Variants in SLC9A9 observed in about 807,000 individuals in gnomAD.
SLC9A9 encodes solute carrier family 9 member A9.
A neutral mutation model predicts 77.8 loss-of-function variants in SLC9A9; 62 were observed. That is an observed-to-expected ratio of 0.80 (90% confidence interval 0.65 to 0.98). SLC9A9 has a LOEUF of 0.98. Ranked by LOEUF, SLC9A9 falls within the 50% of genes least tolerant of loss-of-function variation. The pLI is 0.00. For synonymous variants in SLC9A9, 320 were observed against 283.5 expected (o/e 1.13, Z -1.29); for missense variants, 775 against 774.9 (o/e 1.00, Z 0.00).
intron 12 of SLC9A9, among the ~76,000 whole-genome samples, chr3:143,463,294 A>G (rs1334997435): frequency 6.6e-6 from 1 of 152,194 alleles, no homozygotes; most frequent in Non-Finnish European, 1.5e-5. Context: ...TATGGGCTCC[A>G]TTCTCATGAG....
chr3:143,819,047 A>C (rs900976643), intron 2 of SLC9A9, among the ~76,000 whole-genome samples: 2 of 152,138 alleles, frequency 1.3e-5, no homozygotes, highest in African/African-American at 4.8e-5. Context: ...GCACCGTTGC[A>C]CTCCAGCCTG....
intron 6 of SLC9A9, among the ~76,000 whole-genome samples, chr3:143,582,379 C>T (rs142252451): frequency 7.9e-5 from 12 of 152,278 alleles, no homozygotes; most frequent in Admixed American, 2.0e-4. Flanking sequence ...TTAAGTCGTT[C>T]CTTGAGTACT....
At chr3:143,725,314 G>A (rs1306755734) in intron 4 of SLC9A9, among the ~76,000 whole-genome samples, 2 of 152,020 alleles carry the variant, frequency 1.3e-5, no homozygotes, top group African/African-American at 4.8e-5. Flanking sequence ...CAACCATTGT[G>A]GAAGTCAGTG....
chr3:143,706,997 G>A (rs1174416514), intron 4 of SLC9A9, among the ~76,000 whole-genome samples: 1 of 152,124 alleles, frequency 6.6e-6, no homozygotes, highest in East Asian at 1.9e-4. Context: ...TGAATGGGGT[G>A]GGGGCAGTAG....
chr3:143,305,545 A>C (rs551038143), intron 14 of SLC9A9, among the ~76,000 whole-genome samples: 4 of 152,312 alleles, frequency 2.6e-5, no homozygotes, highest in Admixed American at 1.3e-4. Flanking sequence ...AAAATTCACA[A>C]CCACTGGGGT....
At chr3:143,307,367 T>C (rs552607872) in intron 14 of SLC9A9, among the ~76,000 whole-genome samples, 1 of 152,372 alleles carries the variant, frequency 6.6e-6, no homozygotes, top group African/African-American at 2.4e-5. Flanking sequence ...ATAATAGACC[T>C]CTGTAAATAT....
chr3:143,657,364 T>C (rs766370167), intron 5 of SLC9A9, among the ~76,000 whole-genome samples: 1 of 152,182 alleles, frequency 6.6e-6, no homozygotes, highest in African/African-American at 2.4e-5. Flanking sequence ...ACTGAGGTAA[T>C]AGTGGAGAAT....
intron 4 of SLC9A9, among the ~76,000 whole-genome samples, chr3:143,749,029 A>G (rs934995223): frequency 6.6e-6 from 1 of 152,128 alleles, no homozygotes; most frequent in South Asian, 2.1e-4. Flanking sequence ...CTGAACTTCA[A>G]GTCTTTTTTT....
At chr3:143,375,598 T>C (rs915984716) in intron 13 of SLC9A9, among the ~76,000 whole-genome samples, 2 of 152,142 alleles carry the variant, frequency 1.3e-5, no homozygotes, top group African/African-American at 4.8e-5. Flanking sequence ...GTCATCCCTA[T>C]TAAGGTTATC....
intron 6 of SLC9A9, chr3:143,627,792 G>A (rs1427850979): frequency 6.6e-6 from 1 of 152,342 alleles, no homozygotes; most frequent in African/African-American, 2.4e-5. Flanking sequence ...GCACTGCTCT[G>A]AATTCCCTAT....
chr3:143,295,118 G>A (rs2108421214), intron 14 of SLC9A9, among the ~76,000 whole-genome samples: 1 of 152,264 alleles, frequency 6.6e-6, no homozygotes, highest in Admixed American at 6.5e-5. Context: ...TTGACAAAAA[G>A]TTAAAATAAA....
intron 4 of SLC9A9, among the ~76,000 whole-genome samples, chr3:143,763,807 G>C (rs1560068538): frequency 6.6e-6 from 1 of 151,512 alleles, no homozygotes; most frequent in Non-Finnish European, 1.5e-5. Flanking sequence ...GAACTCTGTT[G>C]TAAAATCTCT....
At chr3:143,761,645 C>A (rs1413864395) in intron 4 of SLC9A9, among the ~76,000 whole-genome samples, 2 of 152,120 alleles carry the variant, frequency 1.3e-5, no homozygotes, top group African/African-American at 4.8e-5. Flanking sequence ...AATGAGATAC[C>A]ATCTCATACC....
chr3:143,691,919 C>T (rs1020520092), intron 5 of SLC9A9, among the ~76,000 whole-genome samples: 4 of 152,060 alleles, frequency 2.6e-5, no homozygotes, highest in African/African-American at 9.7e-5. Flanking sequence ...GTAGTCTTTG[C>T]TAGAGTAGCA....
rs1378620541 is a variant in SLC9A9 at position 143,708,233 on chromosome 3, AGCCCAT to A, written c.534-14932_534-14927del. Among the ~76,000 whole-genome samples the A allele has an allele frequency of 2.0e-5, 3 of 152,290 alleles. No individual in the cohort carries two copies. In the East Asian group the frequency reaches 5.8e-4, roughly 29 times the overall value. ...CATATCCACTATCTGGGAGCATACCAGCCCATTCAGTTTGAAAGGGGATCCTTTCCA... is the reference window on the plus strand; with the variant it reads ...CATATCCACTATCTGGGAGCATACCATCAGTTTGAAAGGGGATCCTTTCCA... On this transcript the variant is annotated intron_variant, in intron 4 of 15. Coordinates refer to ENST00000316549, the MANE Select transcript of SLC9A9 (RefSeq NM_173653.4).
intron 5 of SLC9A9, among the ~76,000 whole-genome samples, chr3:143,684,642 T>C (rs987127901): frequency 6.6e-6 from 1 of 152,078 alleles, no homozygotes; most frequent in Non-Finnish European, 1.5e-5. Flanking sequence ...ATTTATATTC[T>C]TACAAAAAGA....
intron 13 of SLC9A9, among the ~76,000 whole-genome samples, chr3:143,368,975 C>T (rs538614333): frequency 4.1e-4 from 63 of 152,130 alleles, no homozygotes; most frequent in African/African-American, 1.5e-3. Context: ...TTCCCAATGC[C>T]CAGTTAAATT....
chr3:143,398,784 A>C (rs2033785675), intron 12 of SLC9A9, among the ~76,000 whole-genome samples: 1 of 152,170 alleles, frequency 6.6e-6, no homozygotes. Context: ...ATATATCACT[A>C]AAATTAAAAT....
intron 9 of SLC9A9, among the ~76,000 whole-genome samples, chr3:143,549,440 T>G (rs559754790): frequency 2.0e-5 from 3 of 151,874 alleles, no homozygotes; most frequent in African/African-American, 7.2e-5. Context: ...AGAAAAGAAA[T>G]GAAGAAAGGG....
Sources: gnomAD v4.1 joint callset for allele counts (sites outside exome capture counted in the v4.1 genomes callset) on GRCh38, gnomAD v4.1.1 for gene constraint, MANE v1.5 for transcripts, NCBI Gene and HGNC (gene_info 2026-07-23, HGNC 2026-07-21) for gene names.